The following SNTG1 variants were observed in gnomAD, a reference collection of about 807,000 sequenced individuals.
SNTG1 encodes gamma-1-syntrophin.
In SNTG1, 39 loss-of-function variants were observed where a neutral mutation model predicts 74.7. The observed-to-expected ratio is 0.52, with a 90% CI of 0.40 to 0.68. The LOEUF is 0.68. Among genes scored for constraint, SNTG1 ranks in the 30% least tolerant of loss-of-function variants. SNTG1 has a pLI of 0.00. For missense variants in SNTG1, 685 were observed against 609.5 expected (o/e 1.12, Z -1.30); for synonymous variants, 254 against 217.1 (o/e 1.17, Z -1.49).
intron 4 of SNTG1, among the ~76,000 whole-genome samples, chr8:50,436,907 C>T (rs1292835448): frequency 1.3e-5 from 2 of 151,984 alleles, no homozygotes; most frequent in Non-Finnish European, 2.9e-5. Flanking sequence ...GATATAAATT[C>T]TAAAATATAT....
In SNTG1 at chr8:49,924,168, A is replaced by T. The variant is rs554098111; in HGVS notation, c.-103+11937A>T. Among the ~76,000 whole-genome samples, 31 of 152,278 alleles carry T rather than the reference A, an allele frequency of 2.0e-4. No homozygotes were observed. The South Asian group carries it at 3.5e-3, about 17-fold the overall frequency. On this transcript the variant is annotated intron_variant, in intron 1 of 18. Coordinates refer to ENST00000642720, the MANE Select transcript of SNTG1 (RefSeq NM_018967.5). Reference sequence around the variant, plus strand: ...AGGGTATCAAAGCTGAAAACTCTTAAATTTCAACAATATATAGAATTATAA... The same window carrying T: ...AGGGTATCAAAGCTGAAAACTCTTATATTTCAACAATATATAGAATTATAA...
chr8:49,962,170 ACTGT>A (rs1239620876), intron 1 of SNTG1, among the ~76,000 whole-genome samples: 1 of 152,024 alleles, frequency 6.6e-6, no homozygotes, highest in Non-Finnish European at 1.5e-5. Context: ...AGCACAGGTG[ACTGT>A]CTGACCATAA....
At chr8:50,097,161 G>A (rs932347879) in intron 1 of SNTG1, among the ~76,000 whole-genome samples, 3 of 151,874 alleles carry the variant, frequency 2.0e-5, no homozygotes, top group Admixed American at 6.6e-5. Context: ...TAGTAGAGAC[G>A]CAGTTTCGTC....
chr8:50,197,383 G>C (rs978759678), intron 2 of SNTG1, among the ~76,000 whole-genome samples: 1 of 152,060 alleles, frequency 6.6e-6, no homozygotes, highest in African/African-American at 2.4e-5. Flanking sequence ...GTGCTCTAAT[G>C]CTTTCTCATT....
At chr8:50,036,246 C>A (rs897354307) in intron 1 of SNTG1, among the ~76,000 whole-genome samples, 8 of 152,192 alleles carry the variant, frequency 5.3e-5, no homozygotes, top group Non-Finnish European at 1.2e-4. Context: ...AACAGTTCAA[C>A]ACCATTTTAT....
At chr8:50,392,386 C>T (rs566728586) in intron 2 of SNTG1, among the ~76,000 whole-genome samples, 1 of 152,230 alleles carries the variant, frequency 6.6e-6, no homozygotes, top group African/African-American at 2.4e-5. Context: ...GCCAAAACAT[C>T]GATTATTCAT....
chr8:50,015,408 C>T (rs1816219285), intron 1 of SNTG1, among the ~76,000 whole-genome samples: 1 of 151,714 alleles, frequency 6.6e-6, no homozygotes, highest in African/African-American at 2.4e-5. Flanking sequence ...AAGTGAGACA[C>T]TATCAAGCAT....
intron 1 of SNTG1, among the ~76,000 whole-genome samples, chr8:50,015,337 T>C (rs1382303386): frequency 3.3e-5 from 5 of 151,930 alleles, no homozygotes; most frequent in African/African-American, 1.2e-4. Context: ...CAATAGAGAT[T>C]ATGTAGTTTC....
At chr8:50,694,499 A>G (rs1203965194) in intron 15 of SNTG1, among the ~76,000 whole-genome samples, 3 of 152,148 alleles carry the variant, frequency 2.0e-5, no homozygotes, top group African/African-American at 7.2e-5. Context: ...GTTGAATTCT[A>G]TCAAACATTT....
At chr8:50,000,061 A>G (rs1241765458) in intron 1 of SNTG1, among the ~76,000 whole-genome samples, 1 of 152,078 alleles carries the variant, frequency 6.6e-6, no homozygotes, top group African/African-American at 2.4e-5. Context: ...AGGCCAAGAG[A>G]AAGTCTGTTC....
chr8:50,187,715 C>T (rs926860278), intron 2 of SNTG1, among the ~76,000 whole-genome samples: 3 of 152,242 alleles, frequency 2.0e-5, no homozygotes, highest in Admixed American at 6.5e-5. Context: ...AACAATACTA[C>T]GTACAATGCC....
At chr8:50,390,154 T>C (rs2092635943) in intron 2 of SNTG1, among the ~76,000 whole-genome samples, 1 of 151,886 alleles carries the variant, frequency 6.6e-6, no homozygotes, top group South Asian at 2.1e-4. Context: ...ATGAAGTCCT[T>C]GTCCATGCCT....
At chr8:50,342,712 T>C (rs892737455) in intron 2 of SNTG1, among the ~76,000 whole-genome samples, 4 of 152,288 alleles carry the variant, frequency 2.6e-5, no homozygotes, top group Middle Eastern at 3.4e-3. Flanking sequence ...TAGAGAGGAC[T>C]ACTCTTCAAA....
chr8:50,159,071 C>G (rs969222368), intron 1 of SNTG1, among the ~76,000 whole-genome samples: 3 of 152,094 alleles, frequency 2.0e-5, no homozygotes, highest in Admixed American at 6.6e-5. Context: ...GCGTTGAGTG[C>G]TTTTTGATGA....
chr8:50,053,897 T>C (rs1272798680), intron 1 of SNTG1, among the ~76,000 whole-genome samples: 1 of 152,036 alleles, frequency 6.6e-6, no homozygotes, highest in South Asian at 2.1e-4. Context: ...AAGCAATTTT[T>C]GAAACACCAA....
intron 2 of SNTG1, among the ~76,000 whole-genome samples, chr8:50,244,996 A>AT (rs569526946): frequency 1.7e-4 from 26 of 152,014 alleles, no homozygotes; most frequent in South Asian, 8.3e-4. Flanking sequence ...CCATTTTTAC[A>AT]TTTTTTTTCC....
intron 4 of SNTG1, among the ~76,000 whole-genome samples, chr8:50,402,810 T>G (rs1436959167): frequency 6.6e-6 from 1 of 152,146 alleles, no homozygotes; most frequent in African/African-American, 2.4e-5. Context: ...GGATAGTGTC[T>G]AAATGATTCT....
At chr8:50,393,986 A>C (rs1266202661) in intron 2 of SNTG1, among the ~76,000 whole-genome samples, 3 of 152,216 alleles carry the variant, frequency 2.0e-5, no homozygotes, top group Admixed American at 1.3e-4. Flanking sequence ...ACTCAATCAC[A>C]CTGAATGATG....
intron 1 of SNTG1, among the ~76,000 whole-genome samples, chr8:50,040,430 A>G (rs1406134139): frequency 4.6e-5 from 7 of 152,094 alleles, no homozygotes; most frequent in African/African-American, 1.4e-4. Context: ...ATTTCTAGTC[A>G]TTGTAAGTTA....
Sources: gnomAD v4.1 joint callset for allele counts (sites outside exome capture counted in the v4.1 genomes callset) on GRCh38, gnomAD v4.1.1 for gene constraint, MANE v1.5 for transcripts, NCBI Gene and HGNC (gene_info 2026-07-23, HGNC 2026-07-21) for gene names.